IFT52: variants seen among roughly 807,000 people sequenced by gnomAD.
The protein encoded by IFT52 is intraflagellar transport protein 52 homolog.
IFT52 carries 44 observed loss-of-function variants against 54.4 expected under a neutral mutation model. The observed-to-expected ratio is 0.81, with a 90% confidence interval of 0.63 to 1.04. The LOEUF (loss-of-function observed/expected upper bound fraction) is 1.04. Ranked by LOEUF, IFT52 falls within the 50% of genes least tolerant of loss-of-function variation. The pLI, the probability that IFT52 is intolerant of heterozygous loss-of-function variation, is 0.00. For synonymous variants in IFT52, 181 were observed against 185.3 expected (o/e 0.98, Z 0.19); for missense variants, 452 against 523.6 (o/e 0.86, Z 1.33).
At chr20:43,617,644 A>T (rs4810389) in intron 7 of IFT52, among the ~76,000 whole-genome samples, 1 of 152,070 alleles carries the variant, frequency 6.6e-6, no homozygotes, top group African/African-American at 2.4e-5. Flanking sequence ...GAGTTTGGCC[A>T]TCTTGGCCAG....
In IFT52 at chr20:43,596,535, C is replaced by T; in HGVS notation, c.207+13C>T. On this transcript the variant is annotated intron_variant, in intron 3 of 13. Transcript: ENST00000373030. ...TACTGCAGCTGAGGTAAGAAATATC[C>T]ACTAAAGAAGGAATATGGTGAAATG... 2 of 1,536,080 alleles carry T rather than the reference C, an allele frequency of 1.3e-6. No homozygotes were observed. The highest frequency in any genetic ancestry group is 2.7e-5 in the African/African-American group (2 of 73,512).
At chr20:43,600,327 C>T (rs866946047) in intron 3 of IFT52, among the ~76,000 whole-genome samples, 51 of 148,838 alleles carry the variant, frequency 3.4e-4, no homozygotes, top group South Asian at 4.2e-4. Flanking sequence ...TTTCCTGAGA[C>T]GGAGTCTTGC....
chr20:43,604,147 A>G, intron 4 of IFT52, 36 bp from the exon 5 acceptor site: 3 of 1,515,818 alleles, frequency 2.0e-6, no homozygotes, highest in Non-Finnish European at 1.8e-6. Context: ...TTTATTTCTA[A>G]CCTAAAATAT....
intron 2 of IFT52, among the ~76,000 whole-genome samples, chr20:43,595,420 G>A (rs541084506): frequency 7.3e-5 from 11 of 151,280 alleles, no homozygotes; most frequent in South Asian, 2.1e-4. Context: ...ATGATCGTGC[G>A]TGCCTATGGT....
In IFT52 at chr20:43,636,121, T is replaced by C. The variant is rs1018172096; in HGVS notation, c.1011+108T>C. 76 of 976,566 alleles carry C rather than the reference T, an allele frequency of 7.8e-5. No homozygotes were observed. The African/African-American group carries it at 1.1e-3, about 14-fold the overall frequency. The allele number at this position is 976,566 out of a possible 1,614,324, so 60.5% of individuals were successfully genotyped here. ...TCCATGTGCCATTTGTGGCACTCCT[T>C]GTGGAGTCATAGTGCTCTGTCTCTA... On this transcript the variant is annotated intron_variant, in intron 11 of 13. Coordinates refer to ENST00000373030, the MANE Select transcript of IFT52 (RefSeq NM_016004.5).
At chr20:43,628,021 G>T (rs1033038690) in intron 10 of IFT52, among the ~76,000 whole-genome samples, 1 of 141,814 alleles carries the variant, frequency 7.1e-6, no homozygotes, top group Non-Finnish European at 1.5e-5. Flanking sequence ...CCGCCTCTCA[G>T]GTTCAAGTGA....
intron 6 of IFT52, among the ~76,000 whole-genome samples, chr20:43,608,945 A>G (rs1983198434): frequency 1.3e-5 from 2 of 151,682 alleles, no homozygotes; most frequent in Non-Finnish European, 2.9e-5. Context: ...AAAATAAAAT[A>G]ATGTGATTGG....
At chr20:43,592,861 G>C (rs769319415) in intron 1 of IFT52, among the ~76,000 whole-genome samples, 1 of 152,220 alleles carries the variant, frequency 6.6e-6, no homozygotes, top group African/African-American at 2.4e-5. Context: ...CAGTAAACCA[G>C]CACTTTGGGA....
intron 10 of IFT52, among the ~76,000 whole-genome samples, chr20:43,627,555 G>A (rs1158116210): frequency 3.3e-5 from 5 of 152,320 alleles, no homozygotes; most frequent in Non-Finnish European, 5.9e-5. Context: ...ACTAGCTGGA[G>A]GAAGTAAGGT....
At chr20:43,605,216 T>C in intron 6 of IFT52, 143 bp downstream of exon 6, 2 of 1,444,104 alleles carry the variant, frequency 1.4e-6, no homozygotes, top group Non-Finnish European at 1.8e-6. Context: ...AGCTCTGCAC[T>C]GTAAGTCCAT....
Position 43,626,022 on chromosome 20 carries a change from G to GAAA in IFT52, c.923+1996_923+1998dup, listed in dbSNP as rs11403788. Among the ~76,000 whole-genome samples, 27 of 96,644 alleles carry GAAA rather than the reference G, an allele frequency of 2.8e-4. 2 individuals carry two copies. Among genetic ancestry groups the GAAA allele is most frequent in the South Asian group, 4.5e-4 (1 of 2,220 alleles). The allele number at this position is 96,644 out of a possible 152,430, so 63.4% of individuals were successfully genotyped here. The stretch of plus-strand genomic sequence containing the variant: ...TCAACAGAGAGAGATCTTGTCTCCG[G>GAAA]AAAAAAAAAAAAAAAAAAAAAGTTG... On this transcript the variant is annotated intron_variant, in intron 10 of 13. Coordinates refer to ENST00000373030, the MANE Select transcript of IFT52 (RefSeq NM_016004.5).
chr20:43,631,143 C>T (rs1012347411), intron 10 of IFT52, among the ~76,000 whole-genome samples: 61 of 152,292 alleles, frequency 4.0e-4, no homozygotes, highest in African/African-American at 1.2e-3. Flanking sequence ...TCTGATCTTG[C>T]CTTTGTCCCA....
chr20:43,635,458 G>A (rs1403497615), intron 10 of IFT52, among the ~76,000 whole-genome samples: 2 of 151,968 alleles, frequency 1.3e-5, no homozygotes, highest in African/African-American at 2.4e-5. Context: ...CACCACACCC[G>A]GCTAATTTTT....
At chr20:43,624,953 A>C (rs1984607690) in intron 10 of IFT52, among the ~76,000 whole-genome samples, 1 of 152,160 alleles carries the variant, frequency 6.6e-6, no homozygotes, top group Non-Finnish European at 1.5e-5. Flanking sequence ...TTGTGAAATT[A>C]GCATGCTGCC....
At chr20:43,595,471 T>C (rs532391976) in intron 2 of IFT52, among the ~76,000 whole-genome samples, 3 of 147,164 alleles carry the variant, frequency 2.0e-5, no homozygotes, top group South Asian at 4.4e-4. Context: ...ATCGCTTAAA[T>C]CCAGGAGGCG....
intron 10 of IFT52, among the ~76,000 whole-genome samples, chr20:43,627,816 C>T (rs565792363): frequency 6.6e-5 from 10 of 151,710 alleles, no homozygotes; most frequent in Admixed American, 3.3e-4. Context: ...AGTCCTCCCA[C>T]GTTGGCCTCC....
At chr20:43,640,975 G>A (rs1362789148) in intron 12 of IFT52, among the ~76,000 whole-genome samples, 1 of 148,168 alleles carries the variant, frequency 6.7e-6, no homozygotes. Context: ...AAGTTGCAGT[G>A]AGCTGAAATC....
Position 43,637,238 on chromosome 20 carries a change from C to G in IFT52, c.1105C>G (p.Gln369Glu), listed in dbSNP as rs762185336. 6.4e-7 allele frequency: 1 copy of G among 1,569,422 alleles called. No individual in the cohort carries two copies. The highest frequency in any genetic ancestry group is 1.2e-5 in the South Asian group (1 of 84,094). ...TFSSEKARLA[Q>E]ITNKCTEEDL... ...CTCCTCTGAGAAGGCACGGCTGGCT[C>G]AGATTACCAATAAGTGTAAGTTTGG... The change falls in exon 12 of 14, where the codon CAG (glutamine) becomes GAG (glutamate). Residue 369 changes from glutamine to glutamate, a missense_variant. Physicochemically the swap from Gln to Glu is conservative, Grantham distance 29. Coordinates refer to ENST00000373030, the MANE Select transcript of IFT52 (RefSeq NM_016004.5).
intron 10 of IFT52, chr20:43,624,269 G>A: frequency 1.8e-6 from 1 of 553,592 alleles, no homozygotes; most frequent in Non-Finnish European, 3.2e-6. Context: ...TTCTGGACCA[G>A]GCATTTAGCC....
Sources: allele counts gnomAD v4.1 joint callset (sites outside exome capture counted in the v4.1 genomes callset), GRCh38; gene constraint gnomAD v4.1.1; transcripts MANE v1.5; gene names NCBI Gene and HGNC (gene_info 2026-07-23, HGNC 2026-07-21).